FAM193A: variants seen among roughly 807,000 people sequenced by gnomAD.
FAM193A encodes the protein family with sequence similarity 193 member A.
In FAM193A, 22 loss-of-function variants were observed where a neutral mutation model predicts 126.5. That is an observed-to-expected ratio of 0.17 (90% confidence interval 0.12 to 0.25). The LOEUF (loss-of-function observed/expected upper bound fraction) is 0.25. Ranked by LOEUF, FAM193A falls within the 10% of genes least tolerant of loss-of-function variation. FAM193A has a pLI of 1.00. For missense variants in FAM193A, 1,675 were observed against 1,672.8 expected, an observed-to-expected ratio of 1.00 and a Z score of -0.02; for synonymous variants, 761 against 646.8, an observed-to-expected ratio of 1.18 and a Z score of -2.68.
intron 13 of FAM193A, among the ~76,000 whole-genome samples, chr4:2,680,423 C>G (rs894813470): frequency 6.6e-6 from 1 of 151,824 alleles, no homozygotes; most frequent in Non-Finnish European, 1.5e-5. Flanking sequence ...TGGGCTCAAG[C>G]ATTCCTCCTC....
chr4:2,570,568 A>G (rs1416288263), intron 1 of FAM193A, among the ~76,000 whole-genome samples: 1 of 152,148 alleles, frequency 6.6e-6, no homozygotes, highest in East Asian at 1.9e-4. Context: ...AGGACACAGC[A>G]GTAAAGGGCC....
At chr4:2,588,181 G>A (rs1032710721) in intron 1 of FAM193A, among the ~76,000 whole-genome samples, 5 of 152,148 alleles carry the variant, frequency 3.3e-5, no homozygotes, top group Admixed American at 2.0e-4. Flanking sequence ...CCGCATTGAC[G>A]GAGCTCGAGA....
chr4:2,568,646 G>A (rs1369220610), intron 1 of FAM193A, among the ~76,000 whole-genome samples: 2 of 152,220 alleles, frequency 1.3e-5, no homozygotes, highest in Admixed American at 6.5e-5. Flanking sequence ...ATTCCCCACA[G>A]TGAGGTGTGT....
Position 2,689,493 on chromosome 4 carries a change from T to A in FAM193A, c.2332-13T>A, listed in dbSNP as rs755885409. 13 of 1,503,812 alleles carry A rather than the reference T, an allele frequency of 8.6e-6. No individual in the cohort carries two copies. Among genetic ancestry groups the A allele is most frequent in the East Asian group, 2.5e-5 (1 of 40,154 alleles). The allele number at this position is 1,503,812 out of a possible 1,614,324, so 93.2% of individuals were successfully genotyped here. A position where few individuals can be genotyped will look rare whatever the true frequency, so the allele number is the denominator to read the frequency against. ...TTAATTTTGATATGTGATTAGAAAA[T>A]TTTTTTTTGTAGGCTTTACCGCCAG... On this transcript the variant is annotated splice_polypyrimidine_tract_variant and intron_variant, in intron 13 of 20. Transcript: ENST00000637812.
intron 12 of FAM193A, among the ~76,000 whole-genome samples, chr4:2,669,564 G>A (rs948036721): frequency 1.3e-5 from 2 of 152,192 alleles, no homozygotes; most frequent in African/African-American, 2.4e-5. Context: ...AGACAAGATC[G>A]CGCCATTGCG....
intron 1 of FAM193A, among the ~76,000 whole-genome samples, chr4:2,584,455 A>G (rs545280609): frequency 6.6e-5 from 10 of 151,716 alleles, no homozygotes; most frequent in Non-Finnish European, 1.3e-4. Context: ...CCATCTCTAA[A>G]GAATATTTCT....
chr4:2,606,045 CTTTTTTTTT>C (rs1170025017), intron 2 of FAM193A, among the ~76,000 whole-genome samples: 2 of 61,008 alleles, frequency 3.3e-5, no homozygotes, highest in East Asian at 1.2e-3. Context: ...TTGCAAACCT[CTTTTTTTTT>C]TTTTTTTTTT....
intron 13 of FAM193A, among the ~76,000 whole-genome samples, chr4:2,684,699 C>T (rs1715532026): frequency 6.6e-6 from 1 of 152,244 alleles, no homozygotes; most frequent in South Asian, 2.1e-4. Context: ...GCTGCCCCCA[C>T]ACGTCACTGT....
intron 13 of FAM193A, among the ~76,000 whole-genome samples, chr4:2,678,035 G>A (rs1001380674): frequency 2.0e-5 from 3 of 152,086 alleles, no homozygotes; most frequent in Non-Finnish European, 4.4e-5. Context: ...GTCTCCCTCT[G>A]TTACCCAGGC....
At chr4:2,678,416 G>A (rs1452655354) in intron 13 of FAM193A, among the ~76,000 whole-genome samples, 2 of 143,198 alleles carry the variant, frequency 1.4e-5, no homozygotes, top group Non-Finnish European at 1.5e-5. Flanking sequence ...ACGCTGGAGT[G>A]CAGTGGCATG....
At chr4:2,624,781 G>A (rs1188788721) in intron 2 of FAM193A, among the ~76,000 whole-genome samples, 1 of 152,138 alleles carries the variant, frequency 6.6e-6, no homozygotes, top group African/African-American at 2.4e-5. Context: ...GGCTCAAGTG[G>A]TCCTCCCATC....
At chr4:2,671,897 C>T (rs1373349943) in intron 12 of FAM193A, among the ~76,000 whole-genome samples, 1 of 152,206 alleles carries the variant, frequency 6.6e-6, no homozygotes, top group African/African-American at 2.4e-5. Context: ...CTGAGTCTGT[C>T]TGTGGAATGA....
intron 12 of FAM193A, among the ~76,000 whole-genome samples, chr4:2,669,727 T>C (rs1713577140): frequency 6.6e-6 from 1 of 152,190 alleles, no homozygotes; most frequent in South Asian, 2.1e-4. Context: ...CACACAGCCT[T>C]CCCACTATCA....
At chr4:2,592,152 C>T (rs999480386) in intron 1 of FAM193A, among the ~76,000 whole-genome samples, 14 of 151,830 alleles carry the variant, frequency 9.2e-5, no homozygotes, top group African/African-American at 3.4e-4. Flanking sequence ...AATGCAGTGG[C>T]GCGATATCCG....
chr4:2,573,905 G>A (rs556274500), intron 1 of FAM193A, among the ~76,000 whole-genome samples: 70 of 152,298 alleles, frequency 4.6e-4, no homozygotes, highest in African/African-American at 1.6e-3. Context: ...GTCAAAGGGA[G>A]ACAAACAGTA....
chr4:2,710,600 T>C (rs1718841436), intron 19 of FAM193A, among the ~76,000 whole-genome samples: 1 of 151,394 alleles, frequency 6.6e-6, no homozygotes, highest in Admixed American at 6.6e-5. Flanking sequence ...TTCCCTGGGC[T>C]CGGGTGATCC....
chr4:2,577,798 A>G (rs1045818647), intron 1 of FAM193A, among the ~76,000 whole-genome samples: 22 of 152,166 alleles, frequency 1.4e-4, no homozygotes, highest in African/African-American at 5.3e-4. Context: ...ATTGATTTCT[A>G]ATCTCAAGCT....
intron 13 of FAM193A, among the ~76,000 whole-genome samples, chr4:2,675,207 T>C (rs2109178871): frequency 6.6e-6 from 1 of 152,336 alleles, no homozygotes; most frequent in African/African-American, 2.4e-5. Context: ...CAGAGGAATA[T>C]GTGTTCTGCC....
intron 1 of FAM193A, among the ~76,000 whole-genome samples, chr4:2,539,818 G>T (rs1243304436): frequency 3.9e-5 from 6 of 152,142 alleles, no homozygotes; most frequent in Admixed American, 1.3e-4. Context: ...ACATTTTAGG[G>T]CCGGGCACCG....
Sources: gnomAD v4.1 joint callset for allele counts (sites outside exome capture counted in the v4.1 genomes callset) on GRCh38, gnomAD v4.1.1 for gene constraint, MANE v1.5 for transcripts, NCBI Gene and HGNC (gene_info 2026-07-23, HGNC 2026-07-21) for gene names.